Variants in ATP5PF observed in about 807,000 individuals in gnomAD.
The protein encoded by ATP5PF is ATP synthase peripheral stalk subunit F6.
Under a neutral mutation model 12.0 loss-of-function variants are expected in ATP5PF, and 7 were observed. The ratio of observed to expected loss-of-function variants is 0.58; its 90% confidence interval spans 0.33 to 1.10. ATP5PF has a LOEUF of 1.10. Ranked by LOEUF, ATP5PF falls within the 50% of genes least tolerant of loss-of-function variation. The pLI is 0.03. For synonymous variants in ATP5PF, 41 were observed against 45.4 expected (o/e 0.90, Z 0.39); for missense variants, 120 against 127.7 (o/e 0.94, Z 0.29).
At chr21:25,727,533 G>A (rs906485882) in intron 2 of ATP5PF, among the ~76,000 whole-genome samples, 1 of 152,160 alleles carries the variant, frequency 6.6e-6, no homozygotes, top group Non-Finnish European at 1.5e-5. Flanking sequence ...AGTTAAACCT[G>A]CCCAAGGTCA....
intron 1 of ATP5PF, 99 bp from the exon 2 acceptor site, chr21:25,729,900 ACAT>A (rs1341958080): frequency 6.3e-5 from 83 of 1,325,932 alleles, no homozygotes; most frequent in Non-Finnish European, 6.0e-5. Context: ...CTACAGAATT[ACAT>A]CATATCAGAT....
intron 2 of ATP5PF, among the ~76,000 whole-genome samples, chr21:25,725,562 C>A (rs541085115): frequency 6.6e-6 from 1 of 152,156 alleles, no homozygotes; most frequent in Admixed American, 6.5e-5. Context: ...GTCTCAGCCT[C>A]CCAAGTAACT....
At chr21:25,735,199 T>C (rs1449969168), upstream of ATP5PF, 2 of 596,508 alleles carry the variant, frequency 3.4e-6, no homozygotes, top group Non-Finnish European at 6.0e-6. Flanking sequence ...TTCCCCTAGT[T>C]CAAGCTCCCC....
chr21:25,724,518 T>C lies in ATP5PF; in HGVS notation c.*122A>G. 8.8e-7 allele frequency: 1 copy of C among 1,135,346 alleles called. No individual in the cohort carries two copies. Among genetic ancestry groups the C allele is most frequent in the African/African-American group, 1.6e-5 (1 of 62,866 alleles). The allele number at this position is 1,135,346 out of a possible 1,614,324, so 70.3% of individuals were successfully genotyped here. ...AACACACTCAACATCACCAAATAAT[T>C]TATTTGGACTCAGAATTAAAAGAAC... is the stretch of plus-strand genomic sequence containing the variant. On this transcript the variant is annotated 3_prime_UTR_variant, in exon 4 of 4. Coordinates refer to ENST00000284971, the MANE Select transcript of ATP5PF (RefSeq NM_001003703.2).
chr21:25,734,975 C>T, upstream of ATP5PF: 3 of 1,563,784 alleles, frequency 1.9e-6, no homozygotes, highest in Non-Finnish European at 2.6e-6. Flanking sequence ...CCGTTTCAGT[C>T]GGTCGACGCT....
At position 25,730,736 on chromosome 21, in the gene ATP5PF, C is replaced by CACAAAAAA. The variant is rs1219090743; in HGVS notation, c.-7-936_-7-935insTTTTTTGT. On this transcript the variant is annotated intron_variant, in intron 1 of 3. Transcript: ENST00000284971. ...GCAACAAGAGCAAGACTCCGTCTCA[C>CACAAAAAA]AAAAAAAAAAAAAAAAAAAAAAAAA... Among the ~76,000 whole-genome samples, 167 of 31,900 alleles carry CACAAAAAA rather than the reference C, an allele frequency of 5.2e-3. 28 individuals carry two copies. The highest frequency in any genetic ancestry group is 0.029 in the Middle Eastern group (1 of 34). 20.9% of individuals were successfully genotyped at this position (31,900 alleles called of 152,430 possible).
chr21:25,729,539 A>G (rs2034701956), intron 2 of ATP5PF, 92 bp downstream of exon 2: 3 of 1,232,972 alleles, frequency 2.4e-6, no homozygotes, highest in Non-Finnish European at 2.2e-6. Context: ...TGAAGGTCTA[A>G]TACTTTCAAA....
chr21:25,734,607 C>A lies in ATP5PF; in HGVS notation c.-8+246G>T, dbSNP rs375685099. ...CTGCGGGCCCGAGACCCCCGGGCCT[C>A]CCTGCCCCCCGCGCCGCCCCGATTT... is the stretch of plus-strand genomic sequence containing the variant. On this transcript the variant is annotated intron_variant, in intron 1 of 3. Transcript: ENST00000284971. The A allele has an allele frequency of 3.0e-5, 13 of 431,298 alleles. 1 individual carries two copies. In the Admixed American group the frequency reaches 3.4e-4, roughly 11 times the overall value. 26.7% of individuals were successfully genotyped at this position (431,298 alleles called of 1,614,324 possible). A position where few individuals can be genotyped will look rare whatever the true frequency, so the allele number is the denominator to read the frequency against.
intron 1 of ATP5PF, among the ~76,000 whole-genome samples, chr21:25,731,710 C>T (rs73338268): frequency 0.043 from 6,522 of 152,134 alleles, 497 homozygotes; most frequent in African/African-American, 0.15. Flanking sequence ...ACATTGACAC[C>T]GGACTTCTAC....
chr21:25,725,820 A>C (rs1195414724), intron 2 of ATP5PF, among the ~76,000 whole-genome samples: 1 of 152,248 alleles, frequency 6.6e-6, no homozygotes, highest in Non-Finnish European at 1.5e-5. Flanking sequence ...ATTTCAATTC[A>C]AACTATTTTA....
upstream of ATP5PF, chr21:25,735,242 G>T: frequency 1.8e-6 from 1 of 568,950 alleles, no homozygotes; most frequent in Non-Finnish European, 3.2e-6. Flanking sequence ...TAGGGTTATC[G>T]AAGTGTATAA....
intron 1 of ATP5PF, among the ~76,000 whole-genome samples, chr21:25,733,403 A>C (rs1468120123): frequency 6.6e-6 from 1 of 151,512 alleles, no homozygotes; most frequent in Non-Finnish European, 1.5e-5. Flanking sequence ...GGTGGCGGGC[A>C]CCTGTAGTCC....
In ATP5PF at chr21:25,724,596, A is replaced by C. The variant is rs372312396; in HGVS notation, c.*44T>G. 4.3e-5 allele frequency: 68 copies of C among 1,591,816 alleles called. No homozygotes were observed. The highest frequency in any genetic ancestry group is 5.2e-5 in the Non-Finnish European group (61 of 1,165,858). ...TTCTGAAACTTCTAACTAGTTGTAC[A>C]ACTAATCCGTGACAAATTACCAGAT... On this transcript the variant is annotated 3_prime_UTR_variant, in exon 4 of 4. Coordinates refer to ENST00000284971, the MANE Select transcript of ATP5PF (RefSeq NM_001003703.2).
intron 1 of ATP5PF, among the ~76,000 whole-genome samples, chr21:25,733,685 G>A (rs2034880861): frequency 6.6e-6 from 1 of 152,144 alleles, no homozygotes; most frequent in African/African-American, 2.4e-5. Flanking sequence ...CTTAGCCCTA[G>A]ATACTGTGCA....
In ATP5PF at chr21:25,725,267, C is replaced by A; in HGVS notation, c.248G>T (p.Gly83Val). ...GGGAAATGTATTCATGTCTGCATTA[C>A]CAAACATTTGCTTGAGCTTAAAAAG... ...RELFKLKQMF[G>V]NADMNTFPTF... is the part of the protein sequence containing the mutation. The change falls in exon 3 of 4, where the codon GGT (glycine) becomes GTT (valine). Residue 83 changes from glycine (G) to valine (V), a missense_variant. By Grantham distance (109) the Gly-to-Val change is moderately radical (BLOSUM62 -3). Transcript: ENST00000284971. 1 of 1,613,448 alleles carries A rather than the reference C, an allele frequency of 6.2e-7. No homozygotes were observed. The highest frequency in any genetic ancestry group is 2.2e-5 in the East Asian group (1 of 44,864).
intron 2 of ATP5PF, among the ~76,000 whole-genome samples, chr21:25,727,603 T>C (rs949898883): frequency 6.6e-5 from 10 of 152,206 alleles, no homozygotes; most frequent in African/African-American, 2.4e-4. Context: ...GAACTCTCCA[T>C]GTGTTTGTTT....
chr21:25,724,691 G>A lies in ATP5PF; in HGVS notation c.290-14C>T, dbSNP rs1568927596. The A allele has an allele frequency of 6.3e-7, 1 of 1,589,524 alleles. No homozygotes were observed. The highest frequency in any genetic ancestry group is 8.5e-7 in the Non-Finnish European group (1 of 1,173,498). On this transcript the variant is annotated splice_polypyrimidine_tract_variant and intron_variant, in intron 3 of 3. Coordinates refer to ENST00000284971, the MANE Select transcript of ATP5PF (RefSeq NM_001003703.2). ...CAAATTTGGGATCTAAGAAGAGGGG[G>A]AAAAAAGGGTCAAGCTTAGCCAAAT... is the stretch of plus-strand genomic sequence containing the variant.
intron 1 of ATP5PF, 21 bp from the exon 2 acceptor site, chr21:25,729,822 C>A (rs992483299): frequency 6.2e-7 from 1 of 1,606,688 alleles, no homozygotes; most frequent in Non-Finnish European, 8.5e-7. Context: ...AAACAAGCAG[C>A]AGAAACGTTA....
rs568169902 is a variant in ATP5PF at position 25,734,171 on chromosome 21, TGAC to T, written c.-8+679_-8+681del. On this transcript the variant is annotated intron_variant, in intron 1 of 3. Coordinates refer to ENST00000284971, the MANE Select transcript of ATP5PF (RefSeq NM_001003703.2). ...ACACAAATAGCTGTGAAATACCACC[TGAC>T]ATAAATTCTCTATTCCAGTACCATC... Among the ~76,000 whole-genome samples the T allele has an allele frequency of 1.3e-3, 203 of 152,278 alleles. 1 individual carries two copies. The highest frequency in any genetic ancestry group is 1.6e-3 in the Non-Finnish European group (111 of 68,034).
Sources: allele counts gnomAD v4.1 joint callset (sites outside exome capture counted in the v4.1 genomes callset), GRCh38; gene constraint gnomAD v4.1.1; transcripts MANE v1.5; gene names NCBI Gene and HGNC (gene_info 2026-07-23, HGNC 2026-07-21).